Variants in TRPM1 observed in about 807,000 individuals in gnomAD.
TRPM1 encodes transient receptor potential cation channel subfamily M member 1.
Under a neutral mutation model 149.4 loss-of-function variants are expected in TRPM1, and 113 were observed. The ratio of observed to expected loss-of-function variants is 0.76; its 90% CI spans 0.65 to 0.88. The LOEUF (loss-of-function observed/expected upper bound fraction) is 0.88, where lower values mean the gene tolerates loss of function less well. Ranked by LOEUF, TRPM1 falls within the 40% of genes least tolerant of loss-of-function variation. The pLI, the probability that TRPM1 is intolerant of heterozygous loss-of-function variation, is 0.00. For synonymous variants in TRPM1, 741 were observed against 759.5 expected, an observed-to-expected ratio of 0.98 and a Z score of 0.40; for missense variants, 1,976 against 2,038.7, an observed-to-expected ratio of 0.97 and a Z score of 0.59.
intron 1 of TRPM1, among the ~76,000 whole-genome samples, chr15:31,098,915 G>A (rs1349690778): frequency 6.6e-6 from 1 of 152,156 alleles, no homozygotes; most frequent in African/African-American, 2.4e-5. Context: ...CAGCAGCGGG[G>A]GAGGGGAGTG....
rs144301422 is a variant in TRPM1, at chr15:31,031,122, C to T, written c.2988G>A (p.Leu996=). Residue 996 remains leucine, a synonymous_variant, in exon 23 of 28, where the codon CTG becomes CTA. Coordinates refer to ENST00000256552, the MANE Select transcript of TRPM1 (RefSeq NM_001252024.2). ...CTACTCCGAAACTCATGAGCACGAC[C>T]AGCATGATGACCACAAAGTACAGCA... is the stretch of plus-strand genomic sequence containing the variant. ...IDMLYFVVIM[L]VVLMSFGVAR... The T allele has an allele frequency of 1.4e-4, 229 of 1,614,196 alleles. 1 individual carries two copies. The African/African-American group carries it at 2.8e-3, about 19-fold the overall frequency.
chr15:31,031,322 A>C, intron 22 of TRPM1, 165 bp from the exon 23 acceptor site: 1 of 698,946 alleles, frequency 1.4e-6, no homozygotes, highest in Non-Finnish European at 2.5e-6. Context: ...GCTTTTTCCT[A>C]CTCCATGCAA....
At chr15:31,088,306 C>T (rs150633853) in intron 1 of TRPM1, among the ~76,000 whole-genome samples, 18 of 152,346 alleles carry the variant, frequency 1.2e-4, no homozygotes, top group African/African-American at 3.1e-4. Context: ...TCACCAGCGC[C>T]AGCCCTGGCA....
chr15:31,045,470 CT>C (rs1302245387), intron 16 of TRPM1, among the ~76,000 whole-genome samples: 1 of 152,082 alleles, frequency 6.6e-6, no homozygotes, highest in African/African-American at 2.4e-5. Context: ...CTTGGGTATT[CT>C]TTTTTTAGCA....
At chr15:31,025,141 A>C (rs997915653) in intron 27 of TRPM1, among the ~76,000 whole-genome samples, 5 of 152,194 alleles carry the variant, frequency 3.3e-5, no homozygotes, top group Middle Eastern at 3.2e-3. Context: ...ATGGCTCTCA[A>C]TGTGTCTGTT....
At chr15:31,108,044 G>A (rs1172860448) in intron 1 of TRPM1, among the ~76,000 whole-genome samples, 1 of 152,014 alleles carries the variant, frequency 6.6e-6, no homozygotes, top group Non-Finnish European at 1.5e-5. Flanking sequence ...TTTTAGTAGA[G>A]ATGGGGTTTC....
intron 1 of TRPM1, among the ~76,000 whole-genome samples, chr15:31,114,185 A>C (rs760287299): frequency 6.6e-6 from 1 of 152,124 alleles, no homozygotes; most frequent in Non-Finnish European, 1.5e-5. Flanking sequence ...CCATCCTCCA[A>C]AAGGCCCCAG....
chr15:31,088,804 G>C (rs549563770), intron 1 of TRPM1, among the ~76,000 whole-genome samples: 274 of 152,058 alleles, frequency 1.8e-3, no homozygotes, highest in Non-Finnish European at 3.2e-3. Context: ...CTTTCTGCTG[G>C]GGGGATGCGT....
Position 31,044,883 on chromosome 15 carries a change from G to A in TRPM1, c.1794+1321C>T, listed in dbSNP as rs143929587. On this transcript the variant is annotated intron_variant, in intron 16 of 27. Coordinates refer to ENST00000256552, the MANE Select transcript of TRPM1 (RefSeq NM_001252024.2). ...AATACTATGTAAAAGTTTATTCCAG[G>A]GAACTTGAAAGTCTAGATGAAATAA... Among the ~76,000 whole-genome samples, 1,041 of 151,992 alleles carry A rather than the reference G, an allele frequency of 6.8e-3. 4 individuals carry two copies. Among genetic ancestry groups the A allele is most frequent in the Non-Finnish European group, 0.01 (695 of 67,994 alleles).
At chr15:31,018,992 A>T (rs932680285) in intron 27 of TRPM1, among the ~76,000 whole-genome samples, 5 of 152,208 alleles carry the variant, frequency 3.3e-5, no homozygotes, top group African/African-American at 9.6e-5. Context: ...TTTTCATGGG[A>T]AACAGTTGCC....
chr15:31,114,701 A>T (rs2035773466), intron 1 of TRPM1, among the ~76,000 whole-genome samples: 1 of 152,256 alleles, frequency 6.6e-6, no homozygotes, highest in African/African-American at 2.4e-5. Context: ...CTAAAAGGAA[A>T]TAATTGCCAA....
rs1194867458 is a variant in TRPM1, at chr15:31,038,156, C to G, written c.2327G>C (p.Gly776Ala). 2.5e-6 allele frequency: 4 copies of G among 1,613,852 alleles called. No homozygotes were observed. The Admixed American group carries it at 6.7e-5, about 27-fold the overall frequency. The change falls in exon 19 of 28, where the codon GGG becomes GCG. Residue 776 changes from glycine to alanine, a missense_variant. By Grantham distance (60) the Gly-to-Ala change is moderately conservative (BLOSUM62 0). Transcript: ENST00000256552. Reference protein sequence around the residue: ...RKNPGLKVIMGILLPPTILFL... With the variant: ...RKNPGLKVIMAILLPPTILFL... ...CAAGATGGTGGGGGGTAGAAGAATC[C>G]CCATGATAACCTACGGAACATAAAT...
chr15:31,131,100 G>A (rs772034828), intron 1 of TRPM1, among the ~76,000 whole-genome samples: 2 of 152,164 alleles, frequency 1.3e-5, no homozygotes, highest in Admixed American at 6.5e-5. Flanking sequence ...TCCAGAAACG[G>A]ACAATTCATA....
Position 31,089,310 on chromosome 15 carries a change from AT to A in TRPM1, c.-83-7873del, listed in dbSNP as rs1423218863. Among the ~76,000 whole-genome samples, 12 of 145,370 alleles carry A rather than the reference AT, an allele frequency of 8.3e-5. No homozygotes were observed. The East Asian group carries it at 1.4e-3, about 16-fold the overall frequency. On this transcript the variant is annotated intron_variant, in intron 1 of 27. Transcript: ENST00000256552. ...TGCCCGGGAGGGTTTATATATAGTT[AT>A]GTTTTTTTGGTTGTTAACTTTTCCC...
chr15:31,150,384 T>G (rs1264535322), intron 1 of TRPM1, among the ~76,000 whole-genome samples: 2 of 151,416 alleles, frequency 1.3e-5, no homozygotes, highest in Admixed American at 1.3e-4. Flanking sequence ...AAGAAGAAAC[T>G]GGTCAGGCAG....
intron 9 of TRPM1, among the ~76,000 whole-genome samples, chr15:31,061,813 T>G (rs1043928418): frequency 1.3e-5 from 2 of 152,086 alleles, no homozygotes; most frequent in Non-Finnish European, 2.9e-5. Context: ...GCCTCCCAAG[T>G]GGCTGGGATT....
chr15:31,036,775 C>T (rs1412950063), intron 20 of TRPM1, among the ~76,000 whole-genome samples: 1 of 152,212 alleles, frequency 6.6e-6, no homozygotes, highest in East Asian at 1.9e-4. Flanking sequence ...GCAGTGACTT[C>T]GACTGTATCA....
At chr15:31,006,769 C>T (rs1382057013) in intron 27 of TRPM1, among the ~76,000 whole-genome samples, 1 of 152,134 alleles carries the variant, frequency 6.6e-6, no homozygotes, top group Non-Finnish European at 1.5e-5. Flanking sequence ...TGCTCAGCAT[C>T]CTTCTTGGCT....
chr15:31,139,881 T>C (rs567576340), intron 1 of TRPM1, among the ~76,000 whole-genome samples: 1 of 152,334 alleles, frequency 6.6e-6, no homozygotes, highest in East Asian at 1.9e-4. Context: ...AATATATAAA[T>C]AGCATTCTCA....
Sources: gnomAD v4.1 joint callset for allele counts (sites outside exome capture counted in the v4.1 genomes callset) on GRCh38, gnomAD v4.1.1 for gene constraint, MANE v1.5 for transcripts, NCBI Gene and HGNC (gene_info 2026-07-23, HGNC 2026-07-21) for gene names.